Variants in HERC2 observed in about 807,000 individuals in gnomAD.
HERC2 encodes E3 ubiquitin-protein ligase HERC2.
HERC2 carries 102 observed loss-of-function variants against 537.7 expected under a neutral mutation model. The ratio of observed to expected loss-of-function variants is 0.19; its 90% confidence interval spans 0.16 to 0.22. The LOEUF (loss-of-function observed/expected upper bound fraction) is 0.22, where lower values mean the gene tolerates loss of function less well. Ranked by LOEUF, HERC2 falls within the 10% of genes least tolerant of loss-of-function variation. The probability of loss-of-function intolerance (pLI) is 1.00; values close to 1 mark genes in which losing one functional copy is unlikely to be tolerated. For synonymous variants in HERC2, 2,224 were observed against 2,466.2 expected, an observed-to-expected ratio of 0.90 and a Z score of 2.91; for missense variants, 4,236 against 6,198.2, an observed-to-expected ratio of 0.68 and a Z score of 10.63.
At chr15:28,222,889 C>T (rs558894323) in intron 35 of HERC2, among the ~76,000 whole-genome samples, 2 of 152,320 alleles carry the variant, frequency 1.3e-5, no homozygotes, top group South Asian at 4.1e-4. Flanking sequence ...CAGACAGCAC[C>T]TGACACAGCT....
chr15:28,157,947 T>C (rs1241556439), intron 69 of HERC2, among the ~76,000 whole-genome samples: 1 of 152,320 alleles, frequency 6.6e-6, no homozygotes, highest in Admixed American at 6.5e-5. Flanking sequence ...TGTGTCTTTG[T>C]TCTCGTTGGT....
At position 28,256,154 on chromosome 15, in the gene HERC2, C is replaced by G; in HGVS notation, c.2681G>C (p.Trp894Ser). ...SAAQAVLQSG[W>S]SVLLPTAEER... ...CTCCGCGGTGGGCAGCAGCACGGAC[C>G]AGCCACTCTGCAGCACGGCCTGGGC... The change falls in exon 18 of 93, where the codon TGG becomes TCG. Residue 894 changes from tryptophan (W) to serine (S), a missense_variant. This residue lies in a region of HERC2 where 754 missense variants were observed against 1,085.0 expected (regional missense o/e 0.69). Coordinates refer to ENST00000261609, the MANE Select transcript of HERC2 (RefSeq NM_004667.6). The G allele has an allele frequency of 6.2e-7, 1 of 1,602,194 alleles. No individual in the cohort carries two copies. Among genetic ancestry groups the G allele is most frequent in the Non-Finnish European group, 8.5e-7 (1 of 1,179,758 alleles).
intron 69 of HERC2, among the ~76,000 whole-genome samples, chr15:28,162,296 G>A (rs767532854): frequency 5.9e-5 from 9 of 152,206 alleles, no homozygotes; most frequent in South Asian, 2.1e-4. Flanking sequence ...TTGCGCCACC[G>A]CACTCCAGCC....
rs1359046800 is a variant in HERC2 at position 28,130,508 on chromosome 15, A to G, written c.12657T>C (p.Tyr4219=). 1.9e-6 allele frequency: 3 copies of G among 1,613,692 alleles called. No individual in the cohort carries two copies. Among genetic ancestry groups the G allele is most frequent in the East Asian group, 4.5e-5 (2 of 44,866 alleles). ...ACAAACAGAATCTTGCGTACCAGGT[A>G]TAAACAGCTCCAGATTTGGTAAGGG... ...SVALTKSGAV[Y]TWGKGDYHRL... is the part of the protein sequence containing the mutation. The change falls in exon 82 of 93, where the codon TAT becomes TAC. Residue 4219 remains tyrosine, a synonymous_variant. Coordinates refer to ENST00000261609, the MANE Select transcript of HERC2 (RefSeq NM_004667.6).
Position 28,201,514 on chromosome 15 carries a change from T to G in HERC2, c.7658A>C (p.Lys2553Thr). ...AVVTESQTYK[K>T]RADFLSNDDY... ...ATCATTACTCAAGAAATCAGCTCGT[T>G]TTTTGTACGTCTGGCTCTCCGTCAC... Residue 2553 changes from lysine (K) to threonine (T), a missense_variant, in exon 48 of 93, where the codon AAA (lysine) becomes ACA (threonine). Transcript: ENST00000261609. 2.5e-6 allele frequency: 4 copies of G among 1,613,820 alleles called. No individual in the cohort carries two copies. Among genetic ancestry groups the G allele is most frequent in the Non-Finnish European group, 3.4e-6 (4 of 1,179,698 alleles).
rs779088733 is a variant in HERC2, at chr15:28,178,975, C to A, written c.9075G>T (p.Gly3025=). ...GCACCGTCCCGCTGGAAATGCCCAGCCCCAGCCGGCCATTCGTGGCTTCTC... is the reference window on the plus strand; with the variant it reads ...GCACCGTCCCGCTGGAAATGCCCAGACCCAGCCGGCCATTCGTGGCTTCTC... The part of the protein sequence containing the change: ...ACGEATNGRL[G]LGISSGTVPI... Residue 3025 remains glycine (G), a synonymous_variant, in exon 59 of 93, where the codon GGG becomes GGT. Transcript: ENST00000261609. 2 of 1,614,222 alleles carry A rather than the reference C, an allele frequency of 1.2e-6. No individual in the cohort carries two copies. Among genetic ancestry groups the A allele is most frequent in the Admixed American group, 1.7e-5 (1 of 60,036 alleles).
intron 69 of HERC2, among the ~76,000 whole-genome samples, chr15:28,155,258 T>C (rs1260984135): frequency 6.6e-6 from 1 of 152,154 alleles, no homozygotes; most frequent in Non-Finnish European, 1.5e-5. Flanking sequence ...CAGCATGATT[T>C]ATAATCCTTT....
At chr15:28,242,898 T>C (rs1479569265) in intron 23 of HERC2, among the ~76,000 whole-genome samples, 1 of 152,110 alleles carries the variant, frequency 6.6e-6, no homozygotes, top group Admixed American at 6.6e-5. Context: ...GAAGAAAACA[T>C]CCTTAAGATT....
At chr15:28,189,233 G>A (rs1170281455) in intron 55 of HERC2, among the ~76,000 whole-genome samples, 1 of 152,194 alleles carries the variant, frequency 6.6e-6, no homozygotes, top group East Asian at 1.9e-4. Flanking sequence ...CCATTTACCT[G>A]CAATGCTTCG....
chr15:28,148,946 G>A (rs1338457486), intron 70 of HERC2, among the ~76,000 whole-genome samples: 1 of 144,716 alleles, frequency 6.9e-6, no homozygotes, highest in Non-Finnish European at 1.5e-5. Context: ...CACCGAGAAC[G>A]GCCACACCAA....
At chr15:28,133,533 A>C (rs1890316753) in intron 79 of HERC2, among the ~76,000 whole-genome samples, 1 of 152,162 alleles carries the variant, frequency 6.6e-6, no homozygotes, top group South Asian at 2.1e-4. Flanking sequence ...AAGTCACAAA[A>C]ATTTTCTCAT....
In HERC2 at chr15:28,274,901, G is replaced by A. The variant is rs201074469; in HGVS notation, c.643+4C>T. The stretch of plus-strand genomic sequence containing the variant: ...AGAACAACGCGCCACACCAGGGACC[G>A]TACCTGATCGCCAGGCCCTGCGCAG... On this transcript the variant is annotated splice_donor_region_variant and intron_variant, in intron 6 of 92. Coordinates refer to ENST00000261609, the MANE Select transcript of HERC2 (RefSeq NM_004667.6). 52 of 1,608,070 alleles carry A rather than the reference G, an allele frequency of 3.2e-5. No individual in the cohort carries two copies. Among genetic ancestry groups the A allele is most frequent in the Middle Eastern group, 1.6e-4 (1 of 6,078 alleles).
At chr15:28,203,191 C>G (rs1459138438) in intron 45 of HERC2, 2 of 116,854 alleles carry the variant, frequency 1.7e-5, no homozygotes. Flanking sequence ...CCAGTCTCTG[C>G]AGCTGGGAAC....
chr15:28,235,418 TGAG>T (rs1596298700), intron 26 of HERC2, among the ~76,000 whole-genome samples: 1 of 151,990 alleles, frequency 6.6e-6, no homozygotes, highest in Non-Finnish European at 1.5e-5. Flanking sequence ...CAATGAGCCT[TGAG>T]GAGGAGGGAA....
At position 28,248,584 on chromosome 15, in the gene HERC2, C is replaced by A. The variant is rs1315138418; in HGVS notation, c.3203G>T (p.Gly1068Val). 1.2e-5 allele frequency: 20 copies of A among 1,613,906 alleles called. No homozygotes were observed. Among genetic ancestry groups the A allele is most frequent in the Non-Finnish European group, 1.7e-5 (20 of 1,179,946 alleles). The change falls in exon 21 of 93, where the codon GGA becomes GTA. Residue 1068 changes from glycine to valine, a missense_variant. Around this residue, in one of 27 missense-constraint regions of HERC2, gnomAD observed 754 missense variants for 1,085.0 expected, o/e 0.69. Transcript: ENST00000261609. ...ATCTGAGGTCTGACCAATACTTTCT[C>A]CTGGATAAAGTTTACTAATAAGCAA... The part of the protein sequence containing the change: ...QRLLISKLYP[G>V]ESIGQTSDIS...
chr15:28,149,734 GA>G (rs1892206310), intron 70 of HERC2, among the ~76,000 whole-genome samples: 2 of 145,154 alleles, frequency 1.4e-5, no homozygotes, highest in Non-Finnish European at 3.0e-5. Context: ...TAAAATTACC[GA>G]AAAAACACAC....
chr15:28,192,620 T>C (rs1896953705), intron 52 of HERC2, among the ~76,000 whole-genome samples: 1 of 152,166 alleles, frequency 6.6e-6, no homozygotes, highest in African/African-American at 2.4e-5. Flanking sequence ...CTCTTCGAAC[T>C]ATCAGAATTC....
intron 51 of HERC2, 23 bp downstream of exon 51, chr15:28,196,438 T>A: frequency 6.3e-7 from 1 of 1,596,938 alleles, no homozygotes; most frequent in Non-Finnish European, 8.6e-7. Flanking sequence ...AAAGCAAATC[T>A]AGCAACCATA....
At chr15:28,225,022 G>T (rs1380296610) in intron 35 of HERC2, among the ~76,000 whole-genome samples, 2 of 152,214 alleles carry the variant, frequency 1.3e-5, no homozygotes, top group Non-Finnish European at 2.9e-5. Context: ...ATGAAAGTCT[G>T]CATTTACAAA....
Sources: gnomAD v4.1 joint callset for allele counts (sites outside exome capture counted in the v4.1 genomes callset) on GRCh38, gnomAD v4.1.1 for gene constraint, gnomAD v4.1.1 regional missense constraint, MANE v1.5 for transcripts, NCBI Gene and HGNC (gene_info 2026-07-23, HGNC 2026-07-21) for gene names.